The following LRRC8D variants were observed in gnomAD, a reference collection of about 807,000 sequenced individuals.
The protein encoded by LRRC8D is leucine rich repeat containing 8 VRAC subunit D, also known as volume-regulated anion channel subunit LRRC8D.
A neutral mutation model predicts 55.8 loss-of-function variants in LRRC8D; 20 were observed. That is an observed-to-expected ratio of 0.36 (90% CI 0.25 to 0.52). The LOEUF (loss-of-function observed/expected upper bound fraction) is 0.52, where lower values mean the gene tolerates loss of function less well. Among genes scored for constraint, LRRC8D ranks in the 20% least tolerant of loss-of-function variants. The pLI is 0.93. For missense variants in LRRC8D, 651 were observed against 1,030.8 expected (o/e 0.63, Z 5.05); for synonymous variants, 352 against 377.0 (o/e 0.93, Z 0.77).
chr1:89,831,504 G>A (rs903449004), intron 1 of LRRC8D, among the ~76,000 whole-genome samples: 2 of 152,128 alleles, frequency 1.3e-5, no homozygotes, highest in African/African-American at 4.8e-5. Context: ...GCCACTTGGA[G>A]TTGAGTAAAG....
At chr1:89,866,873 A>T (rs1232984670) in intron 2 of LRRC8D, among the ~76,000 whole-genome samples, 1 of 150,336 alleles carries the variant, frequency 6.7e-6, no homozygotes, top group African/African-American at 2.4e-5. Flanking sequence ...CAAGTGTATC[A>T]ATCAGATAGA....
At chr1:89,890,685 A>G (rs1662553879) in intron 2 of LRRC8D, among the ~76,000 whole-genome samples, 1 of 152,284 alleles carries the variant, frequency 6.6e-6, no homozygotes, top group African/African-American at 2.4e-5. Context: ...CCCTTATGTT[A>G]ATGCCTTACA....
chr1:89,874,822 T>C (rs1662109766), intron 2 of LRRC8D, among the ~76,000 whole-genome samples: 1 of 152,136 alleles, frequency 6.6e-6, no homozygotes, highest in Non-Finnish European at 1.5e-5. Flanking sequence ...TGTTAAGAAG[T>C]TGGTGGAAGA....
chr1:89,834,386 GTTCTA>G (rs1230596412), intron 1 of LRRC8D, among the ~76,000 whole-genome samples: 1 of 152,122 alleles, frequency 6.6e-6, no homozygotes. Context: ...CCACTTTTCT[GTTCTA>G]TTCTTATATC....
intron 1 of LRRC8D, among the ~76,000 whole-genome samples, chr1:89,826,587 A>G (rs1482295589): frequency 2.0e-5 from 3 of 152,210 alleles, no homozygotes; most frequent in Non-Finnish European, 2.9e-5. Flanking sequence ...ATCCAGGCAC[A>G]GGGAGGTGAT....
chr1:89,855,298 A>G (rs1354597739), intron 2 of LRRC8D, among the ~76,000 whole-genome samples: 1 of 152,170 alleles, frequency 6.6e-6, no homozygotes, highest in Non-Finnish European at 1.5e-5. Flanking sequence ...TGGAAGGTGT[A>G]CTTATTCTTC....
In LRRC8D at chr1:89,894,828, A is replaced by G. The variant is rs78401032; in HGVS notation, c.-2-38239A>G. On this transcript the variant is annotated intron_variant, in intron 2 of 2. Transcript: ENST00000337338. ...TTTCCTTAAGATACAAGTGTTCCAT[A>G]TCTTACGGGTGAGTACAATATTGGC... 7.6e-3 allele frequency among the ~76,000 whole-genome samples: 1,155 copies of G among 152,338 alleles called. 9 individuals carry two copies. Among genetic ancestry groups the G allele is most frequent in the African/African-American group, 0.027 (1,110 of 41,572 alleles).
At chr1:89,828,855 A>G (rs1296618881) in intron 1 of LRRC8D, among the ~76,000 whole-genome samples, 1 of 152,150 alleles carries the variant, frequency 6.6e-6, no homozygotes, top group African/African-American at 2.4e-5. Context: ...TCCCATTGCT[A>G]CATCTTAGCA....
intron 2 of LRRC8D, among the ~76,000 whole-genome samples, chr1:89,907,690 C>A (rs1663031256): frequency 6.6e-6 from 1 of 152,162 alleles, no homozygotes; most frequent in South Asian, 2.1e-4. Flanking sequence ...ATGAGTCCCC[C>A]AAAATTAGTC....
At chr1:89,874,089 C>T (rs576944905) in intron 2 of LRRC8D, among the ~76,000 whole-genome samples, 1 of 152,300 alleles carries the variant, frequency 6.6e-6, no homozygotes, top group South Asian at 2.1e-4. Context: ...AAATTTGGTT[C>T]ACTTCACTCA....
intron 1 of LRRC8D, among the ~76,000 whole-genome samples, chr1:89,827,166 C>T (rs1229220949): frequency 6.6e-6 from 1 of 151,930 alleles, no homozygotes; most frequent in Non-Finnish European, 1.5e-5. Flanking sequence ...GCCTGGCCAA[C>T]CTGGTGAAAC....
Position 89,922,450 on chromosome 1 carries a change from C to G in LRRC8D, c.-2-10617C>G, listed in dbSNP as rs370965558. On this transcript the variant is annotated intron_variant, in intron 2 of 2. Transcript: ENST00000337338. ...ATTAGTCATTTATTCCAGGATTACT[C>G]TATGTGCGTGGTGCTACATGCTAGT... Among the ~76,000 whole-genome samples the G allele has an allele frequency of 1.1e-3, 167 of 152,340 alleles. 9 individuals carry two copies. In the South Asian group the frequency reaches 0.034, roughly 31 times the overall value.
intron 2 of LRRC8D, among the ~76,000 whole-genome samples, chr1:89,931,217 G>A (rs1449681029): frequency 2.4e-5 from 3 of 122,470 alleles, no homozygotes; most frequent in Admixed American, 1.9e-4. Context: ...AAAATATTAT[G>A]AACCTACTCT....
chr1:89,861,254 T>C (rs1661715101), intron 2 of LRRC8D, among the ~76,000 whole-genome samples: 1 of 152,204 alleles, frequency 6.6e-6, no homozygotes, highest in African/African-American at 2.4e-5. Flanking sequence ...TGTGTGACCC[T>C]AGGAAAGTAA....
intron 2 of LRRC8D, among the ~76,000 whole-genome samples, chr1:89,859,869 G>A (rs1307301402): frequency 6.6e-6 from 1 of 152,186 alleles, no homozygotes; most frequent in African/African-American, 2.4e-5. Context: ...TCCAAGAGGT[G>A]GTTGTAAATA....
At chr1:89,872,725 A>C (rs1313330586) in intron 2 of LRRC8D, among the ~76,000 whole-genome samples, 1 of 152,162 alleles carries the variant, frequency 6.6e-6, no homozygotes, top group African/African-American at 2.4e-5. Context: ...GGGTTTTTGC[A>C]GTCTCTCCCC....
At chr1:89,850,526 G>A (rs780972259) in intron 2 of LRRC8D, among the ~76,000 whole-genome samples, 1 of 152,094 alleles carries the variant, frequency 6.6e-6, no homozygotes, top group Non-Finnish European at 1.5e-5. Flanking sequence ...TGTGGTATTC[G>A]GTTTTCTGTT....
At chr1:89,882,092 T>C (rs1662299296) in intron 2 of LRRC8D, among the ~76,000 whole-genome samples, 1 of 152,148 alleles carries the variant, frequency 6.6e-6, no homozygotes, top group Non-Finnish European at 1.5e-5. Context: ...AGGACCTATG[T>C]TTCTGGTTGT....
chr1:89,903,095 G>T (rs1366836133), intron 2 of LRRC8D, among the ~76,000 whole-genome samples: 1 of 152,172 alleles, frequency 6.6e-6, no homozygotes, highest in Non-Finnish European at 1.5e-5. Context: ...GAGATGTTAG[G>T]TAACACACCT....
Sources: allele counts gnomAD v4.1 joint callset (sites outside exome capture counted in the v4.1 genomes callset), GRCh38; gene constraint gnomAD v4.1.1; transcripts MANE v1.5; gene names NCBI Gene and HGNC (gene_info 2026-07-23, HGNC 2026-07-21).